ZNF644: variants seen among roughly 807,000 people sequenced by gnomAD.
ZNF644 encodes the protein zinc finger motif enhancer binding protein 2.
In ZNF644, 20 loss-of-function variants were observed where a neutral mutation model predicts 108.0. The ratio of observed to expected loss-of-function variants is 0.19; its 90% CI spans 0.13 to 0.27. ZNF644 has a LOEUF of 0.27. Ranked by LOEUF, ZNF644 falls within the 10% of genes least tolerant of loss-of-function variation. The pLI is 1.00. For missense variants in ZNF644, 1,338 were observed against 1,548.9 expected, an observed-to-expected ratio of 0.86 and a Z score of 2.29; for synonymous variants, 542 against 539.1, an observed-to-expected ratio of 1.01 and a Z score of -0.08.
chr1:91,004,349 T>G (rs190704071), intron 1 of ZNF644, among the ~76,000 whole-genome samples: 81 of 152,192 alleles, frequency 5.3e-4, no homozygotes, highest in African/African-American at 1.7e-3. Context: ...ACAACTTTAG[T>G]AACATTAACA....
chr1:90,956,216 C>T (rs1653739766), intron 2 of ZNF644, among the ~76,000 whole-genome samples: 2 of 152,122 alleles, frequency 1.3e-5, no homozygotes, highest in Non-Finnish European at 2.9e-5. Flanking sequence ...GATCACTGAC[C>T]ACAGATCACC....
chr1:90,959,106 A>ATATAT (rs1382277875), intron 2 of ZNF644, among the ~76,000 whole-genome samples: 1 of 152,204 alleles, frequency 6.6e-6, no homozygotes, highest in East Asian at 1.9e-4. Context: ...AAAGGACGTG[A>ATATAT]ACAGATATTT....
At chr1:90,930,258 C>A (rs142451731) in intron 4 of ZNF644, among the ~76,000 whole-genome samples, 1,896 of 152,266 alleles carry the variant, frequency 0.012, 37 homozygotes, top group African/African-American at 0.043. Context: ...TGCACTCCAG[C>A]CTGGGCAACT....
intron 2 of ZNF644, among the ~76,000 whole-genome samples, chr1:90,945,426 T>C (rs917907317): frequency 1.3e-5 from 2 of 152,144 alleles, no homozygotes; most frequent in Non-Finnish European, 2.9e-5. Flanking sequence ...CCTCTAGTTA[T>C]ATACTGTGAG....
intron 2 of ZNF644, among the ~76,000 whole-genome samples, chr1:90,950,305 G>GGGAGGGGAGGGCAGGGCA (rs1652978043): frequency 2.1e-5 from 1 of 46,644 alleles, no homozygotes; most frequent in Non-Finnish European, 4.6e-5. Context: ...GGGAGGGGAG[G>GGGAGGGGAGGGCAGGGCA]GGACAAAAGA....
chr1:90,951,804 C>T (rs1653203093), intron 2 of ZNF644, among the ~76,000 whole-genome samples: 1 of 152,158 alleles, frequency 6.6e-6, no homozygotes, highest in South Asian at 2.1e-4. Flanking sequence ...TTTCTATGTA[C>T]CTTGCTAACT....
chr1:90,994,170 G>A (rs1011917638), intron 1 of ZNF644, among the ~76,000 whole-genome samples: 8 of 152,208 alleles, frequency 5.3e-5, no homozygotes, highest in Non-Finnish European at 8.8e-5. Flanking sequence ...GAACGATGTA[G>A]GTTAGAGCAG....
At chr1:91,020,764 G>A (rs1020080453) in intron 1 of ZNF644, 2 of 151,858 alleles carry the variant, frequency 1.3e-5, no homozygotes, top group East Asian at 1.9e-4. Context: ...CTGCAGGGAG[G>A]GAATACACAA....
intron 1 of ZNF644, chr1:91,021,664 C>A (rs1412216321): frequency 6.5e-6 from 1 of 153,146 alleles, no homozygotes; most frequent in Non-Finnish European, 1.4e-5. Flanking sequence ...CCGAGTCCCG[C>A]CCCGCGGCGG....
intron 4 of ZNF644, among the ~76,000 whole-genome samples, chr1:90,920,588 T>A (rs971991723): frequency 5.3e-5 from 8 of 152,170 alleles, no homozygotes; most frequent in African/African-American, 1.7e-4. Flanking sequence ...TTATGGACTG[T>A]GGAAACTCTT....
intron 1 of ZNF644, among the ~76,000 whole-genome samples, chr1:91,003,076 G>A (rs1236967540): frequency 6.6e-6 from 1 of 152,200 alleles, no homozygotes; most frequent in Non-Finnish European, 1.5e-5. Flanking sequence ...CTTTTACACT[G>A]TTGGTGGGAG....
In ZNF644 at chr1:90,939,317, C is replaced by G. The variant is rs764031602; in HGVS notation, c.2037G>C (p.Lys679Asn). The change falls in exon 3 of 6, where the codon AAG becomes AAC. Residue 679 changes from lysine to asparagine, a missense_variant. By Grantham distance (94) the Lys-to-Asn change is moderately conservative (BLOSUM62 0). Coordinates refer to ENST00000337393, the MANE Select transcript of ZNF644 (RefSeq NM_201269.3). ...SQSSSFSKIH[K>N]RPHRIQKARK... ...GAGCTTTCTGTATTCTGTGTGGCCG[C>G]TTATGAATTTTTGAAAAACTACTTG... is the stretch of plus-strand genomic sequence containing the variant. 1 of 1,613,960 alleles carries G rather than the reference C, an allele frequency of 6.2e-7. No homozygotes were observed. Among genetic ancestry groups the G allele is most frequent in the Admixed American group, 1.7e-5 (1 of 60,002 alleles).
chr1:91,013,470 CACACACACACACAT>C (rs946705233), intron 1 of ZNF644, among the ~76,000 whole-genome samples: 11 of 149,434 alleles, frequency 7.4e-5, no homozygotes, highest in African/African-American at 2.8e-4. Context: ...CACACACACA[CACACACACACACAT>C]ACACACACAC....
At chr1:90,929,632 A>G (rs1458044062) in intron 4 of ZNF644, among the ~76,000 whole-genome samples, 1 of 152,188 alleles carries the variant, frequency 6.6e-6, no homozygotes, top group Non-Finnish European at 1.5e-5. Flanking sequence ...AGCTTTCACA[A>G]TACTATTTTT....
At chr1:90,975,353 G>C (rs1218913823) in intron 2 of ZNF644, among the ~76,000 whole-genome samples, 1 of 151,152 alleles carries the variant, frequency 6.6e-6, no homozygotes, top group Non-Finnish European at 1.5e-5. Flanking sequence ...AACATCAGAT[G>C]AATCAATAAA....
intron 2 of ZNF644, among the ~76,000 whole-genome samples, chr1:90,978,336 G>A (rs1656209345): frequency 2.1e-5 from 3 of 142,434 alleles, no homozygotes; most frequent in African/African-American, 5.2e-5. Flanking sequence ...TGGGCAACAA[G>A]AGCAAAACTT....
At chr1:90,920,506 T>C (rs977808348) in intron 4 of ZNF644, among the ~76,000 whole-genome samples, 1 of 152,052 alleles carries the variant, frequency 6.6e-6, no homozygotes, top group Admixed American at 6.6e-5. Flanking sequence ...AAATGTTTAT[T>C]CTAAAATACA....
chr1:90,932,596 C>T (rs1445434234), intron 4 of ZNF644, among the ~76,000 whole-genome samples: 1 of 151,890 alleles, frequency 6.6e-6, no homozygotes, highest in African/African-American at 2.4e-5. Context: ...TTTTTAGGAA[C>T]ACTGCTTTAT....
chr1:90,949,780 T>C (rs907708880), intron 2 of ZNF644, among the ~76,000 whole-genome samples: 5 of 152,168 alleles, frequency 3.3e-5, no homozygotes, highest in East Asian at 1.9e-4. Flanking sequence ...TGGAGCATCA[T>C]TGGAGTTTGG....
Sources: gnomAD v4.1 joint callset for allele counts (sites outside exome capture counted in the v4.1 genomes callset) on GRCh38, gnomAD v4.1.1 for gene constraint, MANE v1.5 for transcripts, NCBI Gene and HGNC (gene_info 2026-07-23, HGNC 2026-07-21) for gene names.